The following NCALD variants were observed in gnomAD, a reference collection of about 807,000 sequenced individuals.
The protein encoded by NCALD is neurocalcin-delta.
Under a neutral mutation model 18.6 loss-of-function variants are expected in NCALD, and 10 were observed. The observed-to-expected ratio is 0.54, with a 90% CI of 0.33 to 0.91. NCALD has a LOEUF of 0.91. NCALD is among the 40% of genes least tolerant of loss of function. The pLI, the probability that NCALD is intolerant of heterozygous loss-of-function variation, is 0.03. For synonymous variants in NCALD, 88 were observed against 87.4 expected (o/e 1.01, Z -0.04); for missense variants, 184 against 247.6 (o/e 0.74, Z 1.72).
chr8:101,879,423 T>G (rs1006657226), intron 4 of NCALD, among the ~76,000 whole-genome samples: 8 of 152,108 alleles, frequency 5.3e-5, no homozygotes, highest in African/African-American at 1.9e-4. Flanking sequence ...TTTCTCCCAG[T>G]GGCTTCGTGG....
chr8:101,688,690 G>A lies in NCALD; in HGVS notation c.*619C>T, dbSNP rs1814569505. 1 of 473,356 alleles carries A rather than the reference G, an allele frequency of 2.1e-6. No individual in the cohort carries two copies. The highest frequency in any genetic ancestry group is 2.3e-5 in the Admixed American group (1 of 43,008). The allele number at this position is 473,356 out of a possible 1,614,324, so 29.3% of individuals were successfully genotyped here. On this transcript the variant is annotated 3_prime_UTR_variant, in exon 4 of 4. Transcript: ENST00000220931. ...ATTAGCTCAACTAGTGTAAACCTGT[G>A]AAAAAATAGCTGAGCCATCTTTTTC...
chr8:101,974,949 C>T (rs186739314), intron 2 of NCALD, among the ~76,000 whole-genome samples: 72 of 152,274 alleles, frequency 4.7e-4, no homozygotes, highest in African/African-American at 1.6e-3. Context: ...ACTGAATCAA[C>T]GCAATTGACA....
chr8:102,099,347 A>G (rs560128280), intron 1 of NCALD, among the ~76,000 whole-genome samples: 3 of 152,346 alleles, frequency 2.0e-5, no homozygotes, highest in Non-Finnish European at 4.4e-5. Flanking sequence ...AATGGGGAGC[A>G]GGTGGAAAAG....
chr8:101,790,780 A>C (rs779024276), intron 1 of NCALD, 82 bp downstream of exon 1: 8 of 152,240 alleles, frequency 5.3e-5, no homozygotes, highest in Non-Finnish European at 1.2e-4. Flanking sequence ...ATGAATACAA[A>C]CTTGTAGGAG....
chr8:101,977,377 G>A (rs1390937482), intron 2 of NCALD, among the ~76,000 whole-genome samples: 1 of 152,174 alleles, frequency 6.6e-6, no homozygotes, highest in Non-Finnish European at 1.5e-5. Flanking sequence ...AAAGTTAAAA[G>A]TATTCTAAGA....
intron 1 of NCALD, among the ~76,000 whole-genome samples, chr8:102,111,600 C>A (rs183468098): frequency 3.3e-5 from 5 of 152,140 alleles, no homozygotes; most frequent in Admixed American, 6.5e-5. Flanking sequence ...CAGAGCAACA[C>A]CCCAATATTA....
intron 1 of NCALD, among the ~76,000 whole-genome samples, chr8:101,775,165 A>G (rs1458549217): frequency 6.6e-6 from 1 of 152,206 alleles, no homozygotes; most frequent in Non-Finnish European, 1.5e-5. Flanking sequence ...TATATGGTTC[A>G]TCACATTGGG....
At chr8:102,023,850 T>C (rs1474823380) in intron 1 of NCALD, among the ~76,000 whole-genome samples, 1 of 152,180 alleles carries the variant, frequency 6.6e-6, no homozygotes, top group East Asian at 1.9e-4. Flanking sequence ...CCTAGCTGTG[T>C]TTCCGTCTCA....
At chr8:101,733,545 C>T (rs891991888) in intron 1 of NCALD, among the ~76,000 whole-genome samples, 1 of 143,404 alleles carries the variant, frequency 7.0e-6, no homozygotes, top group African/African-American at 2.5e-5. Context: ...GCATCATGGC[C>T]GGCATCTAGC....
chr8:102,035,551 T>C (rs1822833368), intron 1 of NCALD, among the ~76,000 whole-genome samples: 1 of 152,114 alleles, frequency 6.6e-6, no homozygotes, highest in Non-Finnish European at 1.5e-5. Flanking sequence ...AGAAAGGCAG[T>C]AGAATCCAGG....
intron 1 of NCALD, among the ~76,000 whole-genome samples, chr8:102,036,431 A>G (rs1243183483): frequency 6.6e-6 from 1 of 152,186 alleles, no homozygotes; most frequent in Admixed American, 6.5e-5. Flanking sequence ...AAACTGCTAA[A>G]CATATGGAAA....
intron 1 of NCALD, among the ~76,000 whole-genome samples, chr8:102,115,809 T>C (rs943198507): frequency 6.6e-6 from 1 of 152,152 alleles, no homozygotes; most frequent in East Asian, 1.9e-4. Flanking sequence ...TAAAAGCATC[T>C]GGGAAAGCCC....
At chr8:101,964,421 G>A (rs1819947865) in intron 2 of NCALD, among the ~76,000 whole-genome samples, 1 of 152,136 alleles carries the variant, frequency 6.6e-6, no homozygotes, top group Non-Finnish European at 1.5e-5. Context: ...TCAAAGGCAA[G>A]GTTCTGATTG....
chr8:102,058,197 T>C (rs902943230), intron 1 of NCALD, among the ~76,000 whole-genome samples: 9 of 152,214 alleles, frequency 5.9e-5, no homozygotes, highest in Non-Finnish European at 2.9e-5. Context: ...TACCATTATT[T>C]TACCGCACAG....
At chr8:101,706,711 G>A (rs1321596111) in intron 2 of NCALD, among the ~76,000 whole-genome samples, 1 of 152,136 alleles carries the variant, frequency 6.6e-6, no homozygotes, top group African/African-American at 2.4e-5. Flanking sequence ...AGACACACAG[G>A]GATAACACCC....
At chr8:101,906,038 T>C (rs950603621) in intron 3 of NCALD, among the ~76,000 whole-genome samples, 15 of 152,336 alleles carry the variant, frequency 9.8e-5, no homozygotes, top group Non-Finnish European at 2.1e-4. Context: ...ATGCAGTTTT[T>C]CACAAACTCA....
chr8:101,938,475 T>C (rs1477947228), intron 2 of NCALD, among the ~76,000 whole-genome samples: 1 of 152,170 alleles, frequency 6.6e-6, no homozygotes, highest in East Asian at 1.9e-4. Flanking sequence ...ACAATTATGT[T>C]CTACAGAGTC....
chr8:102,008,144 G>A (rs538737301), intron 2 of NCALD, among the ~76,000 whole-genome samples: 20 of 152,108 alleles, frequency 1.3e-4, no homozygotes, highest in Non-Finnish European at 1.5e-4. Flanking sequence ...AATGTTAATC[G>A]AGCACCTATT....
intron 2 of NCALD, among the ~76,000 whole-genome samples, chr8:101,702,705 C>T (rs1237122111): frequency 2.6e-5 from 4 of 152,170 alleles, no homozygotes; most frequent in Non-Finnish European, 4.4e-5. Context: ...TTCTGTGGTG[C>T]GCAACGGCAG....
Sources: gnomAD v4.1 joint callset for allele counts (sites outside exome capture counted in the v4.1 genomes callset) on GRCh38, gnomAD v4.1.1 for gene constraint, MANE v1.5 for transcripts, NCBI Gene and HGNC (gene_info 2026-07-23, HGNC 2026-07-21) for gene names.